Variants in BDH1 observed in about 807,000 individuals in gnomAD.
The protein encoded by BDH1 is 3-hydroxybutyrate dehydrogenase 1.
A neutral mutation model predicts 33.1 loss-of-function variants in BDH1; 30 were observed. The ratio of observed to expected loss-of-function variants is 0.91; its 90% CI spans 0.68 to 1.23. BDH1 has a LOEUF of 1.23. Among genes scored for constraint, BDH1 ranks in the 50% most tolerant of loss-of-function variants. The pLI is 0.00. For missense variants in BDH1, 443 were observed against 464.4 expected (o/e 0.95, Z 0.42); for synonymous variants, 190 against 183.6 (o/e 1.03, Z -0.28).
At chr3:197,568,325 T>G (rs1195257751) in intron 1 of BDH1, among the ~76,000 whole-genome samples, 1 of 151,860 alleles carries the variant, frequency 6.6e-6, no homozygotes, top group Non-Finnish European at 1.5e-5. Context: ...ATACCCTTAA[T>G]CTGTAGAATT....
Position 197,533,474 on chromosome 3 carries a change from T to G in BDH1, c.156+15A>C, listed in dbSNP as rs559649959. ...ACCATCCAACTGGCTCCCGGGTAGC[T>G]GGGCTTCCACTCACCGGCTCCGCCG... On this transcript the variant is annotated intron_variant, in intron 4 of 7. Transcript: ENST00000392379. 1.4e-5 allele frequency: 23 copies of G among 1,613,914 alleles called. No homozygotes were observed. In the African/African-American group the frequency reaches 2.8e-4, roughly 20 times the overall value.
Position 197,515,732 on chromosome 3 carries a change from A to AACAT in BDH1, c.410-1317_410-1316insATGT, listed in dbSNP as rs3061411. The AACAT allele has an allele frequency of 1.3e-4, 125 of 984,742 alleles. 1 individual carries two copies. In the African/African-American group the frequency reaches 2.0e-3, roughly 16 times the overall value. The allele number at this position is 984,742 out of a possible 1,614,324, so 61.0% of individuals were successfully genotyped here. ...CCTCCCTCCACGCCAGGCTTCCAAG[A>AACAT]ACTCTATCCTGTAATACAAAGATTA... On this transcript the variant is annotated intron_variant, in intron 6 of 7. Transcript: ENST00000392379.
At chr3:197,532,383 A>G in intron 5 of BDH1, 29 bp downstream of exon 5, 2 of 1,574,860 alleles carry the variant, frequency 1.3e-6, no homozygotes, top group South Asian at 2.2e-5. Flanking sequence ...TGTAAAAGAC[A>G]ATGGTGAAGA....
At chr3:197,571,882 C>T (rs1717617260) in intron 1 of BDH1, among the ~76,000 whole-genome samples, 1 of 152,152 alleles carries the variant, frequency 6.6e-6, no homozygotes, top group Admixed American at 6.5e-5. Flanking sequence ...AGGCAAACAG[C>T]AAGACCTTGT....
rs570185188 is a variant in BDH1 at position 197,521,158 on chromosome 3, G to A, written c.409+1482C>T. ...TGAGAGCTGCCCCACCCCATTCTGA[G>A]GGAAAGCAGAGGCCTGAATGACGCA... On this transcript the variant is annotated intron_variant, in intron 6 of 7. Transcript: ENST00000392379. This position sits in a 1 kb window ranked among gnomAD's most constrained non-coding sequence, Gnocchi z 4.9. Among the ~76,000 whole-genome samples the A allele has an allele frequency of 2.0e-5, 3 of 152,304 alleles. No homozygotes were observed. The South Asian group carries it at 6.2e-4, about 32-fold the overall frequency.
chr3:197,521,923 C>A lies in BDH1; in HGVS notation c.409+717G>T, dbSNP rs1286990233. 6.6e-6 allele frequency among the ~76,000 whole-genome samples: 1 copy of A among 152,200 alleles called. No homozygotes were observed. Among genetic ancestry groups the A allele is most frequent in the Non-Finnish European group, 1.5e-5 (1 of 68,034 alleles). On this transcript the variant is annotated intron_variant, in intron 6 of 7. Coordinates refer to ENST00000392379, the MANE Select transcript of BDH1 (RefSeq NM_203314.3). This position sits in a 1 kb window ranked among gnomAD's most constrained non-coding sequence, Gnocchi z 4.9. ...CCAGGCCATTCCCTCAGGATGACCC[C>A]TTCAGTGGCTCCCCAGTGCCATTGG...
intron 3 of BDH1, chr3:197,533,778 C>T: frequency 1.9e-6 from 1 of 524,040 alleles, no homozygotes; most frequent in Non-Finnish European, 3.4e-6. Flanking sequence ...CAGGAAGAGC[C>T]TTCCTGAGAA....
intron 2 of BDH1, among the ~76,000 whole-genome samples, chr3:197,549,377 C>A (rs1275415916): frequency 6.6e-6 from 1 of 152,234 alleles, no homozygotes; most frequent in African/African-American, 2.4e-5. Context: ...CGTGCGCATC[C>A]TTCCTCACTG....
At chr3:197,564,476 C>T (rs547876995) in intron 1 of BDH1, among the ~76,000 whole-genome samples, 1 of 151,996 alleles carries the variant, frequency 6.6e-6, no homozygotes, top group Non-Finnish European at 1.5e-5. Context: ...AGTTACAGGG[C>T]TTTGACTCCT....
intron 7 of BDH1, among the ~76,000 whole-genome samples, chr3:197,513,553 G>T (rs114081591): frequency 0.019 from 2,833 of 151,968 alleles, 91 homozygotes; most frequent in African/African-American, 0.064. Flanking sequence ...TGTGTCCCCG[G>T]GAGGGAACTC....
chr3:197,533,528 G>C lies in BDH1; in HGVS notation c.117C>G (p.Ile39Met), dbSNP rs200290672. The C allele has an allele frequency of 6.2e-7, 1 of 1,614,238 alleles. No homozygotes were observed. Among genetic ancestry groups the C allele is most frequent in the Non-Finnish European group, 8.5e-7 (1 of 1,180,042 alleles). The change falls in exon 4 of 8, where the codon ATC becomes ATG. Residue 39 changes from isoleucine to methionine, a missense_variant. Coordinates refer to ENST00000392379, the MANE Select transcript of BDH1 (RefSeq NM_203314.3). ...RPLLLGSTSF[I>M]PIGRRTYASA... ...TGGCATAAGTCCGACGGCCAATCGG[G>C]ATAAAGGAAGTAGAACCAAGCAATA...
intron 3 of BDH1, among the ~76,000 whole-genome samples, chr3:197,543,391 T>C (rs1479053169): frequency 6.6e-6 from 1 of 152,234 alleles, no homozygotes; most frequent in African/African-American, 2.4e-5. Flanking sequence ...CAGGCCACCC[T>C]GGGAGCACTA....
In BDH1 at chr3:197,512,236, C is replaced by G. The variant is rs758384765; in HGVS notation, c.691G>C (p.Val231Leu). The change falls in exon 8 of 8, where the codon GTG becomes CTG. Residue 231 changes from valine (V) to leucine (L), a missense_variant. Transcript: ENST00000392379. The part of the protein sequence containing the change: ...CLRYEMYPLG[V>L]KVSVVEPGNF... ...CCGGGCTCCACCACGCTGACCTTCA[C>G]GCCCAGGGGGTACATCTCATAGCGC... The G allele has an allele frequency of 6.2e-7, 1 of 1,613,666 alleles. No homozygotes were observed. The highest frequency in any genetic ancestry group is 8.5e-7 in the Non-Finnish European group (1 of 1,180,032).
intron 2 of BDH1, among the ~76,000 whole-genome samples, chr3:197,549,844 TACAA>T (rs1469014724): frequency 2.7e-5 from 4 of 149,970 alleles, no homozygotes; most frequent in African/African-American, 9.9e-5. Context: ...TTGAACTCAA[TACAA>T]ACAGTTTGTA....
chr3:197,568,881 T>TA (rs1409693797), intron 1 of BDH1, among the ~76,000 whole-genome samples: 1 of 152,240 alleles, frequency 6.6e-6, no homozygotes, highest in African/African-American at 2.4e-5. Context: ...GCTATATTCT[T>TA]AGAGTGGAAT....
intron 6 of BDH1, among the ~76,000 whole-genome samples, chr3:197,517,344 C>A (rs1217452360): frequency 9.8e-6 from 1 of 102,558 alleles, no homozygotes. Context: ...CCATCCCCCC[C>A]TCAGGCCGAC....
intron 3 of BDH1, among the ~76,000 whole-genome samples, chr3:197,540,378 A>G (rs569533748): frequency 2.1e-4 from 31 of 149,268 alleles, no homozygotes; most frequent in African/African-American, 7.6e-4. Flanking sequence ...AAAAGTAACA[A>G]AAAGGTTGTG....
In BDH1 at chr3:197,554,687, CTACAGGCAGAT is replaced by C. The variant is rs1486611324; in HGVS notation, c.-180_-170del. The C allele has an allele frequency of 6.6e-6, 1 of 151,912 alleles. No homozygotes were observed. The highest frequency in any genetic ancestry group is 1.5e-5 in the Non-Finnish European group (1 of 67,974). The allele number at this position is 151,912 out of a possible 1,614,324, so 9.4% of individuals were successfully genotyped here. ...TGCAGGGTGACTCTGCATCAGCTGA[CTACAGGCAGAT>C]TTCCAGGCTGACTGGCTGGAAAAGA... On this transcript the variant is annotated 5_prime_UTR_variant, in exon 2 of 8. Coordinates refer to ENST00000392379, the MANE Select transcript of BDH1 (RefSeq NM_203314.3). This position sits in a 1 kb window ranked among gnomAD's most constrained non-coding sequence, Gnocchi z 4.4.
chr3:197,542,501 C>A, intron 3 of BDH1, among the ~76,000 whole-genome samples: 1 of 144,370 alleles, frequency 6.9e-6, no homozygotes, highest in Admixed American at 7.0e-5. Context: ...AGATGGTCAA[C>A]ACGCTTTCTT....
Sources: gnomAD v4.1 joint callset for allele counts (sites outside exome capture counted in the v4.1 genomes callset) on GRCh38, gnomAD v4.1.1 for gene constraint, Gnocchi (gnomAD v3.1) non-coding constraint, MANE v1.5 for transcripts, NCBI Gene and HGNC (gene_info 2026-07-23, HGNC 2026-07-21) for gene names.